The following LSAMP variants were observed in gnomAD, a reference collection of about 807,000 sequenced individuals.
LSAMP encodes the protein limbic system associated membrane protein.
LSAMP carries 7 observed loss-of-function variants against 38.6 expected under a neutral mutation model. That is an observed-to-expected ratio of 0.18 (90% CI 0.10 to 0.34). The LOEUF (loss-of-function observed/expected upper bound fraction) is 0.34, where lower values mean the gene tolerates loss of function less well. Among genes scored for constraint, LSAMP ranks in the 10% least tolerant of loss-of-function variants. The probability of loss-of-function intolerance (pLI) is 1.00; values close to 1 mark genes in which losing one functional copy is unlikely to be tolerated. For synonymous variants in LSAMP, 154 were observed against 166.8 expected, an observed-to-expected ratio of 0.92 and a Z score of 0.59; for missense variants, 313 against 420.0, an observed-to-expected ratio of 0.75 and a Z score of 2.23.
intron 1 of LSAMP, among the ~76,000 whole-genome samples, chr3:116,185,896 A>G (rs1338549495): frequency 2.3e-5 from 2 of 88,588 alleles, no homozygotes; most frequent in African/African-American, 9.4e-5. Flanking sequence ...AAAAGAAGCA[A>G]AAAAAAAAAA....
chr3:116,223,546 A>C lies in LSAMP; in HGVS notation c.156-136990T>G, dbSNP rs538780117. On this transcript the variant is annotated intron_variant, in intron 1 of 6. Transcript: ENST00000490035. ...CTGAAAATATTGAGACTATCATTTTAAGTAGAAAAACAGACCGTAAAACAA... is the reference window on the plus strand; with the variant it reads ...CTGAAAATATTGAGACTATCATTTTCAGTAGAAAAACAGACCGTAAAACAA... Among the ~76,000 whole-genome samples the C allele has an allele frequency of 5.9e-5, 9 of 152,338 alleles. No individual in the cohort carries two copies. The East Asian group carries it at 1.7e-3, about 29-fold the overall frequency.
At chr3:116,304,922 A>G (rs918750970) in intron 1 of LSAMP, among the ~76,000 whole-genome samples, 1 of 152,156 alleles carries the variant, frequency 6.6e-6, no homozygotes, top group African/African-American at 2.4e-5. Flanking sequence ...TGATTTCCTC[A>G]TGGAAGAAAA....
At chr3:115,824,892 A>T (rs1473179704) in intron 6 of LSAMP, among the ~76,000 whole-genome samples, 6 of 152,188 alleles carry the variant, frequency 3.9e-5, no homozygotes. Context: ...AAGATTAAAA[A>T]TGCAGGTTTG....
chr3:116,141,570 C>T (rs1469030083), intron 1 of LSAMP, among the ~76,000 whole-genome samples: 1 of 151,904 alleles, frequency 6.6e-6, no homozygotes, highest in Non-Finnish European at 1.5e-5. Flanking sequence ...GGTCCTAGGT[C>T]TCAGGTCCTC....
In LSAMP at chr3:115,808,419, T is replaced by C. The variant is rs1310386235; in HGVS notation, c.*1898A>G. 1 of 151,994 alleles carries C rather than the reference T, an allele frequency of 6.6e-6. No homozygotes were observed. Among genetic ancestry groups the C allele is most frequent in the South Asian group, 2.1e-4 (1 of 4,816 alleles). The allele number at this position is 151,994 out of a possible 1,614,324, so 9.4% of individuals were successfully genotyped here. On this transcript the variant is annotated 3_prime_UTR_variant, in exon 7 of 7. Coordinates refer to ENST00000490035, the MANE Select transcript of LSAMP (RefSeq NM_002338.5). ...GTTGGTTTTCTGACAAAGACATCTA[T>C]ATGCAGAGAGCCAGCTCTCTCGGCA...
At chr3:116,408,867 A>T (rs2048934126) in intron 1 of LSAMP, among the ~76,000 whole-genome samples, 1 of 152,248 alleles carries the variant, frequency 6.6e-6, no homozygotes, top group South Asian at 2.1e-4. Flanking sequence ...TTAGTTGTAC[A>T]TATGGTCTTT....
intron 2 of LSAMP, among the ~76,000 whole-genome samples, chr3:116,033,860 A>G (rs1940987272): frequency 6.6e-6 from 1 of 152,126 alleles, no homozygotes; most frequent in Non-Finnish European, 1.5e-5. Flanking sequence ...AATGGGTCGG[A>G]ATCAGCAGCT....
Position 115,993,103 on chromosome 3 carries a change from A to G in LSAMP, c.514+26412T>C, listed in dbSNP as rs147523019. Among the ~76,000 whole-genome samples the G allele has an allele frequency of 8.7e-3, 1,319 of 152,246 alleles. 10 individuals are homozygous for G. The highest frequency in any genetic ancestry group is 0.018 in the Admixed American group (271 of 15,268). Reference sequence around the variant, plus strand: ...AGGAATACATTTATATTTCTCCTACATACTCTACATGGTTAGTATTATTTG... The same window carrying G: ...AGGAATACATTTATATTTCTCCTACGTACTCTACATGGTTAGTATTATTTG... On this transcript the variant is annotated intron_variant, in intron 3 of 6. Coordinates refer to ENST00000490035, the MANE Select transcript of LSAMP (RefSeq NM_002338.5).
intron 6 of LSAMP, among the ~76,000 whole-genome samples, chr3:115,815,735 G>A (rs1431260536): frequency 2.0e-5 from 3 of 152,076 alleles, no homozygotes; most frequent in Non-Finnish European, 4.4e-5. Context: ...ATTGGTAATC[G>A]TGGCATTGAG....
chr3:115,969,689 ATAT>A (rs1938950767), intron 3 of LSAMP, among the ~76,000 whole-genome samples: 1 of 152,124 alleles, frequency 6.6e-6, no homozygotes, highest in Admixed American at 6.5e-5. Context: ...TGTTTTATTA[ATAT>A]TATTATCTTT....
intron 1 of LSAMP, among the ~76,000 whole-genome samples, chr3:116,250,624 G>C (rs970968912): frequency 2.6e-5 from 4 of 152,002 alleles, no homozygotes; most frequent in Non-Finnish European, 4.4e-5. Context: ...CACTTAGGGA[G>C]GCTGACATGG....
intron 1 of LSAMP, among the ~76,000 whole-genome samples, chr3:116,144,562 C>CTTTTTTTTTTTTT (rs3071080): frequency 1.4e-5 from 2 of 142,148 alleles, no homozygotes; most frequent in Non-Finnish European, 3.1e-5. Context: ...CATCACCTTA[C>CTTTTTTTTTTTTT]TTTTTTTTTT....
chr3:115,813,233 G>A (rs1469781549), intron 6 of LSAMP, among the ~76,000 whole-genome samples: 1 of 151,932 alleles, frequency 6.6e-6, no homozygotes, highest in African/African-American at 2.4e-5. Context: ...CGTATACAAA[G>A]GAGGTCCTAT....
rs558427206 is a variant in LSAMP at position 115,946,958 on chromosome 3, A to G, written c.514+72557T>C. 2.0e-5 allele frequency among the ~76,000 whole-genome samples: 3 copies of G among 152,160 alleles called. 1 individual carries two copies. The South Asian group carries it at 6.2e-4, about 32-fold the overall frequency. Reference sequence around the variant, plus strand: ...ATATATATGGTAACATGTCAAACCAAGTTAGATTCTTTCCTAAGAAATAAA... The same window carrying G: ...ATATATATGGTAACATGTCAAACCAGGTTAGATTCTTTCCTAAGAAATAAA... On this transcript the variant is annotated intron_variant, in intron 3 of 6. Transcript: ENST00000490035.
At chr3:115,855,388 T>A (rs1011806467) in intron 3 of LSAMP, among the ~76,000 whole-genome samples, 2 of 152,154 alleles carry the variant, frequency 1.3e-5, no homozygotes, top group Non-Finnish European at 2.9e-5. Flanking sequence ...ATAAAACATA[T>A]CCTTATCAGA....
chr3:116,005,847 T>C (rs1394387342), intron 3 of LSAMP, among the ~76,000 whole-genome samples: 1 of 152,210 alleles, frequency 6.6e-6, no homozygotes, highest in Non-Finnish European at 1.5e-5. Context: ...GCTCTACTGA[T>C]AGGCCATTCA....
chr3:116,390,368 C>G (rs1395060754), intron 1 of LSAMP, among the ~76,000 whole-genome samples: 1 of 152,064 alleles, frequency 6.6e-6, no homozygotes, highest in Non-Finnish European at 1.5e-5. Context: ...GAGAAGACTT[C>G]ACATAGAAGG....
intron 1 of LSAMP, among the ~76,000 whole-genome samples, chr3:116,180,610 A>C (rs1435061177): frequency 6.6e-6 from 1 of 152,170 alleles, no homozygotes; most frequent in African/African-American, 2.4e-5. Flanking sequence ...GTAGAGGAAT[A>C]AGAGAAAATG....
chr3:115,861,377 T>A (rs1490111022), intron 3 of LSAMP, among the ~76,000 whole-genome samples: 3 of 152,012 alleles, frequency 2.0e-5, no homozygotes, highest in African/African-American at 7.2e-5. Context: ...TGAATTACTG[T>A]GAAAGTGGAG....
Sources: allele counts gnomAD v4.1 joint callset (sites outside exome capture counted in the v4.1 genomes callset), GRCh38; gene constraint gnomAD v4.1.1; transcripts MANE v1.5; gene names NCBI Gene and HGNC (gene_info 2026-07-23, HGNC 2026-07-21).